CAST: variants seen among roughly 807,000 people sequenced by gnomAD.
CAST encodes the protein calpastatin, also known as MIR583 host.
A neutral mutation model predicts 119.6 loss-of-function variants in CAST; 76 were observed. The observed-to-expected ratio is 0.64, with a 90% CI of 0.53 to 0.77. CAST has a LOEUF of 0.77. CAST is among the 30% of genes least tolerant of loss of function. CAST has a pLI of 0.00. For synonymous variants in CAST, 319 were observed against 331.6 expected (o/e 0.96, Z 0.41); for missense variants, 953 against 946.5 (o/e 1.01, Z -0.09).
chr5:96,255,359 T>A, the CAST span, among the ~76,000 whole-genome samples: 1 of 152,172 alleles, frequency 6.6e-6, no homozygotes, highest in Admixed American at 6.6e-5. Flanking sequence ...ACCATCAATT[T>A]TATTTATTAA....
chr5:96,622,299 A>G (rs555687178), intron 1 of CAST, among the ~76,000 whole-genome samples: 2 of 152,212 alleles, frequency 1.3e-5, no homozygotes, highest in East Asian at 3.9e-4. Flanking sequence ...GCCTTTCCCA[A>G]AGCCCATGAA....
chr5:96,139,707 T>A, the CAST span, among the ~76,000 whole-genome samples: 1 of 151,916 alleles, frequency 6.6e-6, no homozygotes, highest in Non-Finnish European at 1.5e-5. Flanking sequence ...TAGCTCCATT[T>A]ATGCGACTAT....
the CAST span, among the ~76,000 whole-genome samples, chr5:96,196,867 T>C: frequency 6.6e-6 from 1 of 151,736 alleles, no homozygotes; most frequent in East Asian, 1.9e-4. Context: ...CAGCTAAGAG[T>C]GGAGTGAGGA....
intron 20 of CAST, 41 bp from the exon 21 acceptor site, chr5:96,754,019 G>A (rs1765741381): frequency 8.6e-7 from 1 of 1,166,754 alleles, no homozygotes; most frequent in South Asian, 1.2e-5. Flanking sequence ...TAAAGGGAGT[G>A]ATTAACCACC....
At chr5:96,719,966 C>T (rs1167783273) in intron 3 of CAST, among the ~76,000 whole-genome samples, 1 of 152,208 alleles carries the variant, frequency 6.6e-6, no homozygotes, top group Non-Finnish European at 1.5e-5. Context: ...CTATGGTTCC[C>T]TCATCTACAT....
chr5:96,449,826 G>A, the CAST span, among the ~76,000 whole-genome samples: 1 of 152,128 alleles, frequency 6.6e-6, no homozygotes, highest in Non-Finnish European at 1.5e-5. Flanking sequence ...ACCTTGGTGT[G>A]AGAACCCTTC....
At chr5:96,372,254 T>C in the CAST span, among the ~76,000 whole-genome samples, 2 of 152,192 alleles carry the variant, frequency 1.3e-5, no homozygotes. Flanking sequence ...ACCTCACCCT[T>C]TTAAATTCCA....
intron 3 of CAST, among the ~76,000 whole-genome samples, chr5:96,719,016 G>C (rs1437366983): frequency 2.6e-5 from 4 of 152,186 alleles, no homozygotes; most frequent in African/African-American, 4.8e-5. Context: ...GGAGGTGCCT[G>C]GCAAGAGGCC....
At chr5:96,565,533 A>G (rs1407553412) in intron 1 of CAST, among the ~76,000 whole-genome samples, 3 of 152,184 alleles carry the variant, frequency 2.0e-5, no homozygotes, top group Non-Finnish European at 4.4e-5. Context: ...ATTAGCAACT[A>G]CACATGCTAT....
chr5:96,232,567 C>T, the CAST span, among the ~76,000 whole-genome samples: 1 of 151,900 alleles, frequency 6.6e-6, no homozygotes, highest in African/African-American at 2.4e-5. Flanking sequence ...ACAAAATTAA[C>T]AATCAAAATT....
chr5:96,190,199 T>A, the CAST span, among the ~76,000 whole-genome samples: 3,889 of 152,260 alleles, frequency 0.026, 179 homozygotes, highest in African/African-American at 0.09. Flanking sequence ...TAGGCCTGTC[T>A]CTAGTAGCCT....
the CAST span, chr5:96,423,177 A>G: frequency 1.3e-6 from 1 of 789,868 alleles, no homozygotes; most frequent in Non-Finnish European, 2.2e-6. Flanking sequence ...GGGAAGTGGG[A>G]GAAGGGACAT....
chr5:96,453,547 G>T, the CAST span, among the ~76,000 whole-genome samples: 1 of 152,218 alleles, frequency 6.6e-6, no homozygotes, highest in Non-Finnish European at 1.5e-5. Context: ...GTAGCTACAG[G>T]AAGTGTGTCA....
At chr5:96,562,343 T>C (rs1020490822) in intron 1 of CAST, among the ~76,000 whole-genome samples, 17 of 152,166 alleles carry the variant, frequency 1.1e-4, no homozygotes, top group Admixed American at 3.9e-4. Flanking sequence ...TAATATTTCA[T>C]AGAACAATAC....
intron 1 of CAST, among the ~76,000 whole-genome samples, chr5:96,538,895 C>T (rs1468134323): frequency 6.6e-6 from 1 of 151,244 alleles, no homozygotes; most frequent in African/African-American, 2.4e-5. Context: ...TCAAATGACT[C>T]AGAGAGGTAT....
At chr5:96,032,104 C>T in the CAST span, among the ~76,000 whole-genome samples, 1 of 152,148 alleles carries the variant, frequency 6.6e-6, no homozygotes, top group African/African-American at 2.4e-5. Flanking sequence ...TTCCATCACT[C>T]TTTCTGTATT....
chr5:96,640,677 C>A (rs529471422), intron 1 of CAST, among the ~76,000 whole-genome samples: 1 of 152,154 alleles, frequency 6.6e-6, no homozygotes, highest in Non-Finnish European at 1.5e-5. Context: ...GACAACCCTG[C>A]GGGGAGTTAT....
the CAST span, among the ~76,000 whole-genome samples, chr5:96,144,309 A>T: frequency 1.3e-5 from 2 of 152,208 alleles, no homozygotes; most frequent in Non-Finnish European, 1.5e-5. Context: ...TAACATGACT[A>T]CTGACTCCAT....
the CAST span, among the ~76,000 whole-genome samples, chr5:96,158,519 C>CG: frequency 6.6e-6 from 1 of 151,978 alleles, no homozygotes; most frequent in East Asian, 1.9e-4. Flanking sequence ...TGATTAAAGT[C>CG]GGGGGGAGGA....
Sources: gnomAD v4.1 joint callset for allele counts (sites outside exome capture counted in the v4.1 genomes callset) on GRCh38, gnomAD v4.1.1 for gene constraint, MANE v1.5 for transcripts, NCBI Gene and HGNC (gene_info 2026-07-23, HGNC 2026-07-21) for gene names.